The following LIMS1 variants were observed in gnomAD, a reference collection of about 807,000 sequenced individuals.
The protein encoded by LIMS1 is LIM zinc finger domain containing 1.
A neutral mutation model predicts 44.1 loss-of-function variants in LIMS1; 18 were observed. That is an observed-to-expected ratio of 0.41 (90% CI 0.28 to 0.61). LIMS1 has a LOEUF of 0.61. Among genes scored for constraint, LIMS1 ranks in the 20% least tolerant of loss-of-function variants. The probability of loss-of-function intolerance (pLI) is 0.32; values close to 1 mark genes in which losing one functional copy is unlikely to be tolerated. For missense variants in LIMS1, 201 were observed against 422.0 expected (o/e 0.48, Z 4.59); for synonymous variants, 93 against 149.1 (o/e 0.62, Z 2.74).
chr2:108,685,079 C>G (rs1654350317), exon 10 of LIMS1: 1 of 152,050 alleles, frequency 6.6e-6, no homozygotes, highest in African/African-American at 2.4e-5. Context: ...AAACTATTCT[C>G]TTTTTGGGGA....
At chr2:108,576,125 G>A (rs1395280718) in intron 1 of LIMS1, among the ~76,000 whole-genome samples, 5 of 152,150 alleles carry the variant, frequency 3.3e-5, no homozygotes, top group Non-Finnish European at 7.4e-5. Flanking sequence ...TAGTATTTAT[G>A]TATGTGAAAA....
At chr2:108,616,607 G>A (rs1172114047) in intron 1 of LIMS1, among the ~76,000 whole-genome samples, 1 of 152,146 alleles carries the variant, frequency 6.6e-6, no homozygotes, top group African/African-American at 2.4e-5. Flanking sequence ...CTTGTAGACA[G>A]TTGCAATATT....
At chr2:108,634,427 G>A (rs1189464377) in intron 1 of LIMS1, among the ~76,000 whole-genome samples, 1 of 152,202 alleles carries the variant, frequency 6.6e-6, no homozygotes, top group African/African-American at 2.4e-5. Context: ...TGTCCAGACT[G>A]TTACTGCATT....
chr2:108,557,484 CAT>C (rs1409163175), intron 1 of LIMS1, among the ~76,000 whole-genome samples: 2 of 151,854 alleles, frequency 1.3e-5, no homozygotes, highest in Non-Finnish European at 2.9e-5. Context: ...TGATCAGATT[CAT>C]ATTTTACCCT....
intron 1 of LIMS1, among the ~76,000 whole-genome samples, chr2:108,638,701 TGCACCACTGC>T (rs1014347678): frequency 8.6e-5 from 13 of 151,154 alleles, no homozygotes; most frequent in African/African-American, 3.2e-4. Flanking sequence ...GAGTCAAAAT[TGCACCACTGC>T]ACTCCAGCCT....
chr2:108,561,490 G>A (rs975418699), intron 1 of LIMS1, among the ~76,000 whole-genome samples: 4 of 152,128 alleles, frequency 2.6e-5, no homozygotes, highest in Admixed American at 2.6e-4. Flanking sequence ...TGTGTTAGGG[G>A]TGGGGGTGTA....
intron 1 of LIMS1, among the ~76,000 whole-genome samples, chr2:108,553,687 G>T (rs544467284): frequency 1.3e-5 from 2 of 152,310 alleles, no homozygotes; most frequent in South Asian, 4.1e-4. Context: ...TTGCAGGCTA[G>T]TACAGACCCA....
intron 2 of LIMS1, among the ~76,000 whole-genome samples, chr2:108,667,532 C>CT (rs1205192856): frequency 0.022 from 975 of 43,466 alleles, 3 homozygotes; most frequent in African/African-American, 0.045. Context: ...TATTTTCAAC[C>CT]TTTTTTAAAA....
chr2:108,550,922 A>G (rs796115641), intron 1 of LIMS1, among the ~76,000 whole-genome samples: 19 of 152,020 alleles, frequency 1.2e-4, no homozygotes, highest in African/African-American at 4.6e-4. Flanking sequence ...GAAGTTTGAG[A>G]CCAGCCTGGG....
At chr2:108,536,630 G>A (rs1175458195) in intron 1 of LIMS1, among the ~76,000 whole-genome samples, 1 of 152,164 alleles carries the variant, frequency 6.6e-6, no homozygotes, top group East Asian at 1.9e-4. Context: ...GACTGGAGTG[G>A]AATGCAGTAG....
intron 1 of LIMS1, among the ~76,000 whole-genome samples, chr2:108,572,859 C>T (rs1426248396): frequency 1.3e-5 from 2 of 152,108 alleles, no homozygotes; most frequent in Admixed American, 1.3e-4. Context: ...AACCTGCCTC[C>T]CCACCCTTCT....
In LIMS1 at chr2:108,622,067, A is replaced by G. The variant is rs137866404; in HGVS notation, c.33-37538A>G. 6.3e-3 allele frequency among the ~76,000 whole-genome samples: 966 copies of G among 152,302 alleles called. 12 individuals are homozygous for G. Among genetic ancestry groups the G allele is most frequent in the African/African-American group, 0.022 (917 of 41,570 alleles). ...GTTGCAACTACTGAAAATTTCTTAG[A>G]TTTGAGGTTCTGAAAGCCTCTACAA... On this transcript the variant is annotated intron_variant, in intron 1 of 9. Coordinates refer to ENST00000544547, the Ensembl canonical transcript of LIMS1.
intron 2 of LIMS1, among the ~76,000 whole-genome samples, chr2:108,668,414 A>C (rs1691939815): frequency 6.6e-6 from 1 of 151,958 alleles, no homozygotes; most frequent in African/African-American, 2.4e-5. Context: ...TTTACTCTCT[A>C]TTTCTATGAA....
At chr2:108,642,342 G>GTTTTTTTTTTTTTTTT (rs764932432) in intron 1 of LIMS1, among the ~76,000 whole-genome samples, 59 of 14,952 alleles carry the variant, frequency 3.9e-3, no homozygotes, top group African/African-American at 7.2e-3. Flanking sequence ...AGTGTTTTTT[G>GTTTTTTTTTTTTTTTT]TTTTTTTTTT....
intron 1 of LIMS1, among the ~76,000 whole-genome samples, chr2:108,596,130 A>G (rs1426195430): frequency 2.6e-5 from 4 of 151,958 alleles, no homozygotes; most frequent in Non-Finnish European, 2.9e-5. Flanking sequence ...TTTTGACTTC[A>G]TGTGTCCCTG....
chr2:108,572,380 C>CTT (rs780841996), intron 1 of LIMS1, among the ~76,000 whole-genome samples: 10,402 of 112,674 alleles, frequency 0.092, 921 homozygotes, highest in South Asian at 0.14. Context: ...GGGACTCTTG[C>CTT]TTTTTTTTTT....
chr2:108,584,890 G>A (rs954517168), intron 1 of LIMS1, among the ~76,000 whole-genome samples: 4 of 152,032 alleles, frequency 2.6e-5, no homozygotes, highest in African/African-American at 9.7e-5. Flanking sequence ...AGTAGCTCAC[G>A]CTTGTAATCC....
At chr2:108,541,522 A>G (rs10188399) in intron 1 of LIMS1, among the ~76,000 whole-genome samples, 5,074 of 152,272 alleles carry the variant, frequency 0.033, 176 homozygotes, top group South Asian at 0.14. Context: ...CTAAAGAACT[A>G]CTTTGGTCAC....
chr2:108,635,546 C>T (rs1573510081), intron 1 of LIMS1, among the ~76,000 whole-genome samples: 3 of 150,550 alleles, frequency 2.0e-5, no homozygotes, highest in Admixed American at 2.0e-4. Context: ...ACTAAAAATA[C>T]AAAAATTAGT....
Sources: gnomAD v4.1 joint callset for allele counts (sites outside exome capture counted in the v4.1 genomes callset) on GRCh38, gnomAD v4.1.1 for gene constraint, MANE v1.5 for transcripts, NCBI Gene and HGNC (gene_info 2026-07-23, HGNC 2026-07-21) for gene names.